FBXO32: variants seen among roughly 807,000 people sequenced by gnomAD.
FBXO32 encodes F-box protein 32.
In FBXO32, 15 loss-of-function variants were observed where a neutral mutation model predicts 48.3. The observed-to-expected ratio is 0.31, with a 90% CI of 0.21 to 0.48. FBXO32 has a LOEUF of 0.48. FBXO32 is among the 20% of genes least tolerant of loss of function. The pLI is 0.99. For synonymous variants in FBXO32, 154 were observed against 165.9 expected (o/e 0.93, Z 0.55); for missense variants, 309 against 432.7 (o/e 0.71, Z 2.54).
chr8:123,524,123 C>A (rs531654605), intron 4 of FBXO32, among the ~76,000 whole-genome samples: 1 of 152,182 alleles, frequency 6.6e-6, no homozygotes, highest in Non-Finnish European at 1.5e-5. Flanking sequence ...TCCCCCATTT[C>A]CATGGGAACC....
chr8:123,525,620 C>G lies in FBXO32; in HGVS notation c.372+6278G>C, dbSNP rs1817057763. On this transcript the variant is annotated intron_variant, in intron 4 of 8. Coordinates refer to ENST00000517956, the MANE Select transcript of FBXO32 (RefSeq NM_058229.4). The surrounding 1 kb of genome is among the most constrained non-coding windows in gnomAD (Gnocchi z 4.3). ...AAGCAATGCAGTCGAAAGGAGAGAA[C>G]ACTGGAGCAGGAGTCGGAGAACCAG... 6.6e-6 allele frequency among the ~76,000 whole-genome samples: 1 copy of G among 152,218 alleles called. No individual in the cohort carries two copies. The highest frequency in any genetic ancestry group is 2.4e-5 in the African/African-American group (1 of 41,460).
intron 4 of FBXO32, among the ~76,000 whole-genome samples, chr8:123,516,475 G>A (rs185560277): frequency 3.4e-4 from 52 of 152,274 alleles, no homozygotes; most frequent in South Asian, 8.3e-4. Context: ...ATGACACTGT[G>A]GTGGGTGCTG....
rs1816629125 is a variant in FBXO32, at chr8:123,506,623, T to C, written c.652-49A>G. The stretch of plus-strand genomic sequence containing the variant: ...GGTGGGGGGGCCAGAGAGCAGCGAT[T>C]CACCAGGCCACACCCTCCAGGCATG... On this transcript the variant is annotated intron_variant, in intron 6 of 8. Coordinates refer to ENST00000517956, the MANE Select transcript of FBXO32 (RefSeq NM_058229.4). This position sits in a 1 kb window ranked among gnomAD's most constrained non-coding sequence, Gnocchi z 4.0. The C allele has an allele frequency of 4.0e-6, 6 of 1,495,042 alleles. No individual in the cohort carries two copies. In the East Asian group the frequency reaches 1.4e-4, roughly 34 times the overall value. The allele number at this position is 1,495,042 out of a possible 1,614,324, so 92.6% of individuals were successfully genotyped here.
chr8:123,503,571 C>G, intron 8 of FBXO32, 109 bp from the exon 9 acceptor site: 1 of 750,652 alleles, frequency 1.3e-6, no homozygotes, highest in South Asian at 1.7e-5. Flanking sequence ...TCAATAATGC[C>G]CCAGGCCTAA....
At position 123,506,248 on chromosome 8, in the gene FBXO32, CTCCTTCAACTGTCAT is replaced by C; in HGVS notation, c.834+129_834+143del. 1 of 898,246 alleles carries C rather than the reference CTCCTTCAACTGTCAT, an allele frequency of 1.1e-6. No homozygotes were observed. 55.6% of individuals were successfully genotyped at this position (898,246 alleles called of 1,614,324 possible). ...TGTCTCAAAAAACAAAATCACAAAA[CTCCTTCAACTGTCAT>C]TTTTCAGTCAAACCAGGGAACCTGG... On this transcript the variant is annotated intron_variant, in intron 7 of 8. Transcript: ENST00000517956. This position sits in a 1 kb window ranked among gnomAD's most constrained non-coding sequence, Gnocchi z 4.0.
chr8:123,511,304 A>C (rs1816729016), intron 6 of FBXO32, among the ~76,000 whole-genome samples: 1 of 152,096 alleles, frequency 6.6e-6, no homozygotes, highest in African/African-American at 2.4e-5. Flanking sequence ...AGGGGTAACA[A>C]CAGCTACAAT....
At chr8:123,528,070 T>C (rs1817123728) in intron 4 of FBXO32, among the ~76,000 whole-genome samples, 1 of 152,234 alleles carries the variant, frequency 6.6e-6, no homozygotes, top group Admixed American at 6.5e-5. Context: ...ACTTGAAAAC[T>C]GATTGGGATC....
intron 1 of FBXO32, among the ~76,000 whole-genome samples, chr8:123,535,660 T>G (rs894824735): frequency 2.0e-5 from 3 of 152,206 alleles, no homozygotes; most frequent in Non-Finnish European, 2.9e-5. Flanking sequence ...GGTAATGAAC[T>G]ATTCTACTAT....
At chr8:123,538,521 C>T (rs930425533) in intron 1 of FBXO32, among the ~76,000 whole-genome samples, 15 of 152,084 alleles carry the variant, frequency 9.9e-5, no homozygotes, top group Non-Finnish European at 7.4e-5. Context: ...GGAAACATCA[C>T]CAAGACCAAA....
chr8:123,504,735 A>G lies in FBXO32; in HGVS notation c.847T>C (p.Leu283=). 1 of 1,613,166 alleles carries G rather than the reference A, an allele frequency of 6.2e-7. No individual in the cohort carries two copies. The highest frequency in any genetic ancestry group is 1.1e-5 in the South Asian group (1 of 90,802). ...HFSERQIRKR[L]ILSDKGQLDW... is the part of the protein sequence containing the mutation. Reference sequence around the variant, plus strand: ...AGCTGCCCTTTGTCTGACAGAATTAATCGTTTGCGGATCTAAAAAATCAAA... The same window carrying G: ...AGCTGCCCTTTGTCTGACAGAATTAGTCGTTTGCGGATCTAAAAAATCAAA... The change falls in exon 8 of 9, where the codon TTA becomes CTA. Residue 283 remains leucine (L), a synonymous_variant. Transcript: ENST00000517956.
intron 5 of FBXO32, 56 bp downstream of exon 5, chr8:123,514,184 C>T: frequency 7.6e-7 from 1 of 1,319,722 alleles, no homozygotes; most frequent in African/African-American, 1.5e-5. Flanking sequence ...ATTGGAAAAT[C>T]CATCTGCCCA....
At chr8:123,510,539 G>T (rs1586990456) in intron 6 of FBXO32, among the ~76,000 whole-genome samples, 3 of 152,292 alleles carry the variant, frequency 2.0e-5, no homozygotes, top group Middle Eastern at 6.8e-3. Context: ...CCTGAACCCA[G>T]GAGGTGGAGG....
chr8:123,510,826 G>A (rs1816720716), intron 6 of FBXO32, among the ~76,000 whole-genome samples: 1 of 152,236 alleles, frequency 6.6e-6, no homozygotes, highest in Non-Finnish European at 1.5e-5. Flanking sequence ...TCTTTGTGGA[G>A]TTTATAAGCC....
At chr8:123,532,012 C>T (rs1409320292) in intron 3 of FBXO32, 22 bp from the exon 4 acceptor site, 1 of 1,613,510 alleles carries the variant, frequency 6.2e-7, no homozygotes, top group East Asian at 2.2e-5. Flanking sequence ...AACAAAGGCA[C>T]AGAAGTTACT....
Position 123,501,046 on chromosome 8 carries a change from TCCACAGCAGG to T in FBXO32, c.*2317_*2326del, listed in dbSNP as rs1816472175. 6.6e-6 allele frequency: 1 copy of T among 152,166 alleles called. No homozygotes were observed. Among genetic ancestry groups the T allele is most frequent in the Non-Finnish European group, 1.5e-5 (1 of 68,050 alleles). The allele number at this position is 152,166 out of a possible 1,614,324, so 9.4% of individuals were successfully genotyped here. The stretch of plus-strand genomic sequence containing the variant: ...CAGTGTCCCAGTTTTGTGCTGACAG[TCCACAGCAGG>T]CAATGTTTCTGCGACTGCAAACCTG... On this transcript the variant is annotated 3_prime_UTR_variant, in exon 9 of 9. Transcript: ENST00000517956.
Position 123,513,454 on chromosome 8 carries a change from CTCTG to C in FBXO32, c.467-76_467-73del. The C allele has an allele frequency of 7.7e-7, 1 of 1,304,744 alleles. No individual in the cohort carries two copies. The highest frequency in any genetic ancestry group is 1.1e-6 in the Non-Finnish European group (1 of 935,350). The allele number at this position is 1,304,744 out of a possible 1,614,324, so 80.8% of individuals were successfully genotyped here. On this transcript the variant is annotated intron_variant, in intron 5 of 8. Transcript: ENST00000517956. The surrounding 1 kb of genome is among the most constrained non-coding windows in gnomAD (Gnocchi z 4.3). ...CCCTGTATTTTACACATGAGCTTGT[CTCTG>C]TCTGTATTCCACTCATGTTACCCAG...
In FBXO32 at chr8:123,504,756, TC is replaced by T; in HGVS notation, c.835-10del. The T allele has an allele frequency of 6.2e-7, 1 of 1,611,230 alleles. No individual in the cohort carries two copies. Among genetic ancestry groups the T allele is most frequent in the Non-Finnish European group, 8.5e-7 (1 of 1,178,900 alleles). ...ATTAATCGTTTGCGGATCTAAAAAA[TC>T]AAATGAATAAAGGAAATGACAGGAG... On this transcript the variant is annotated splice_polypyrimidine_tract_variant and intron_variant, in intron 7 of 8. Coordinates refer to ENST00000517956, the MANE Select transcript of FBXO32 (RefSeq NM_058229.4).
At chr8:123,530,221 G>T (rs1159917151) in intron 4 of FBXO32, among the ~76,000 whole-genome samples, 1 of 152,084 alleles carries the variant, frequency 6.6e-6, no homozygotes, top group Non-Finnish European at 1.5e-5. Context: ...CTTCTTGCAG[G>T]CCTGCGTTTT....
Position 123,501,373 on chromosome 8 carries a change from A to AC in FBXO32, c.*1999dup, listed in dbSNP as rs1816481488. Reference sequence around the variant, plus strand: ...GGGGGAGAGGGATTGCAAAAAAAAAACAAAAAAAAACAAAACAAAACACAC... The same window carrying AC: ...GGGGGAGAGGGATTGCAAAAAAAAAACCAAAAAAAAACAAAACAAAACACAC... On this transcript the variant is annotated 3_prime_UTR_variant, in exon 9 of 9. Coordinates refer to ENST00000517956, the MANE Select transcript of FBXO32 (RefSeq NM_058229.4). 6.6e-6 allele frequency: 1 copy of AC among 151,310 alleles called. No homozygotes were observed. The highest frequency in any genetic ancestry group is 2.1e-4 in the South Asian group (1 of 4,808). 9.4% of individuals were successfully genotyped at this position (151,310 alleles called of 1,614,324 possible).
Sources: allele counts gnomAD v4.1 joint callset (sites outside exome capture counted in the v4.1 genomes callset), GRCh38; gene constraint gnomAD v4.1.1; non-coding constraint Gnocchi (gnomAD v3.1); transcripts MANE v1.5; gene names NCBI Gene and HGNC (gene_info 2026-07-23, HGNC 2026-07-21).